CELF4: variants seen among roughly 807,000 people sequenced by gnomAD.
The protein encoded by CELF4 is CUGBP Elav-like family member 4, also known as CUG-BP- and ETR-3-like factor 4.
Under a neutral mutation model 59.9 loss-of-function variants are expected in CELF4, and 18 were observed. The ratio of observed to expected loss-of-function variants is 0.30; its 90% CI spans 0.21 to 0.45. CELF4 has a LOEUF of 0.45. Among genes scored for constraint, CELF4 ranks in the 20% least tolerant of loss-of-function variants. The pLI is 1.00. For synonymous variants in CELF4, 261 were observed against 267.1 expected (o/e 0.98, Z 0.22); for missense variants, 456 against 689.0 (o/e 0.66, Z 3.79).
At chr18:37,462,687 A>C (rs1449144197) in intron 2 of CELF4, among the ~76,000 whole-genome samples, 16 of 152,118 alleles carry the variant, frequency 1.1e-4, no homozygotes, top group Admixed American at 1.0e-3. Context: ...CCATGAAGGG[A>C]AGTAAAAGGG....
chr18:37,278,757 T>C (rs1294312724), intron 3 of CELF4, among the ~76,000 whole-genome samples: 5 of 151,832 alleles, frequency 3.3e-5, no homozygotes, highest in Admixed American at 2.0e-4. Context: ...TCAAAGAGGG[T>C]GAGAGGAGAA....
chr18:37,512,993 G>A (rs1293372261), intron 1 of CELF4, among the ~76,000 whole-genome samples: 1 of 152,164 alleles, frequency 6.6e-6, no homozygotes, highest in African/African-American at 2.4e-5. Context: ...TGAGGAGTGT[G>A]GGGTCTCAGA....
intron 2 of CELF4, among the ~76,000 whole-genome samples, chr18:37,412,779 G>T (rs1017298730): frequency 6.6e-6 from 1 of 152,140 alleles, no homozygotes; most frequent in Non-Finnish European, 1.5e-5. Context: ...GATGAGAAAG[G>T]CCAATGAGAA....
chr18:37,438,012 A>C (rs1227564083), intron 2 of CELF4, among the ~76,000 whole-genome samples: 1 of 152,162 alleles, frequency 6.6e-6, no homozygotes, highest in Non-Finnish European at 1.5e-5. Context: ...TCTCCCTCCA[A>C]CATGAAAGGA....
chr18:37,264,572 G>A, intron 10 of CELF4, 102 bp downstream of exon 10: 1 of 924,746 alleles, frequency 1.1e-6, no homozygotes, highest in Non-Finnish European at 1.7e-6. Flanking sequence ...ACACAAACGT[G>A]GTCACCTTTC....
At chr18:37,540,392 A>G (rs2099976946) in intron 1 of CELF4, among the ~76,000 whole-genome samples, 1 of 152,030 alleles carries the variant, frequency 6.6e-6, no homozygotes, top group Non-Finnish European at 1.5e-5. Flanking sequence ...AACAGGGAAA[A>G]CGGGCCAGCG....
At chr18:37,538,027 T>C (rs951562050) in intron 1 of CELF4, among the ~76,000 whole-genome samples, 1 of 152,218 alleles carries the variant, frequency 6.6e-6, no homozygotes, top group African/African-American at 2.4e-5. Context: ...GCCGGCTCCT[T>C]GGTCCGGGTT....
At chr18:37,298,725 A>C (rs1177166390) in intron 3 of CELF4, among the ~76,000 whole-genome samples, 1 of 35,778 alleles carries the variant, frequency 2.8e-5, no homozygotes, top group African/African-American at 2.1e-4. Context: ...ACTCTATCTC[A>C]AAAAAAAAAA....
intron 2 of CELF4, among the ~76,000 whole-genome samples, chr18:37,375,348 A>T (rs2098955854): frequency 6.6e-6 from 1 of 152,118 alleles, no homozygotes; most frequent in Non-Finnish European, 1.5e-5. Flanking sequence ...CGCCGGCTGG[A>T]CGGCTCTCGG....
chr18:37,449,528 CG>C (rs2099757276), intron 2 of CELF4, among the ~76,000 whole-genome samples: 1 of 152,056 alleles, frequency 6.6e-6, no homozygotes, highest in Non-Finnish European at 1.5e-5. Flanking sequence ...GTTCCAGATC[CG>C]GGGATACAGC....
At chr18:37,504,317 C>T (rs952156881) in intron 1 of CELF4, among the ~76,000 whole-genome samples, 2 of 151,986 alleles carry the variant, frequency 1.3e-5, no homozygotes, top group Non-Finnish European at 2.9e-5. Context: ...ATGGTGAAAC[C>T]CCGTCTCTAC....
At chr18:37,496,285 G>A (rs898442070) in intron 1 of CELF4, among the ~76,000 whole-genome samples, 3 of 152,198 alleles carry the variant, frequency 2.0e-5, no homozygotes, top group Non-Finnish European at 2.9e-5. Context: ...ACAGCGCCCA[G>A]GGCTGGACCT....
At chr18:37,434,490 G>T (rs2099682685) in intron 2 of CELF4, among the ~76,000 whole-genome samples, 1 of 152,190 alleles carries the variant, frequency 6.6e-6, no homozygotes, top group Admixed American at 6.5e-5. Flanking sequence ...TAAAACAGGG[G>T]GCTGTGCCAT....
At chr18:37,537,573 G>A (rs540037796) in intron 1 of CELF4, among the ~76,000 whole-genome samples, 16 of 152,262 alleles carry the variant, frequency 1.1e-4, no homozygotes, top group Admixed American at 1.0e-3. Context: ...GGTCTTCGGG[G>A]ACCATTTCAG....
At position 37,266,524 on chromosome 18, in the gene CELF4, G is replaced by C. The variant is rs1415832682; in HGVS notation, c.1165+9C>G. 5 of 1,588,612 alleles carry C rather than the reference G, an allele frequency of 3.1e-6. No homozygotes were observed. Among genetic ancestry groups the C allele is most frequent in the African/African-American group, 1.3e-5 (1 of 74,748 alleles). On this transcript the variant is annotated intron_variant, in intron 9 of 12. Transcript: ENST00000420428. Reference sequence around the variant, plus strand: ...GGGGAAGGAGCCGTGGGGACGCGTGGATACTAACGACCTGCATACTGCTGC... The same window carrying C: ...GGGGAAGGAGCCGTGGGGACGCGTGCATACTAACGACCTGCATACTGCTGC...
chr18:37,301,066 A>T (rs921960365), intron 3 of CELF4, among the ~76,000 whole-genome samples: 3 of 152,220 alleles, frequency 2.0e-5, no homozygotes, highest in African/African-American at 7.2e-5. Context: ...GGCAGGAGAC[A>T]CAGGAGGAGG....
rs142411265 is a variant in CELF4 at position 37,270,841 on chromosome 18, G to A, written c.1026C>T (p.Thr342=). The part of the protein sequence containing the change: ...IPSPIGVNGF[T]GLPPQANGQP... ...GCCCATTGGCCTGTGGGGGGAGGCCGGTGAAGCCATTCACCCCAATGGGGG... is the reference window on the plus strand; with the variant it reads ...GCCCATTGGCCTGTGGGGGGAGGCCAGTGAAGCCATTCACCCCAATGGGGG... Residue 342 remains threonine (T), a synonymous_variant, in exon 8 of 13, where the codon ACC becomes ACT. Transcript: ENST00000420428. The A allele has an allele frequency of 1.6e-4, 252 of 1,613,722 alleles. No homozygotes were observed. The highest frequency in any genetic ancestry group is 3.7e-4 in the Admixed American group (22 of 59,992).
At chr18:37,476,989 G>T (rs567435201) in intron 2 of CELF4, among the ~76,000 whole-genome samples, 57 of 152,328 alleles carry the variant, frequency 3.7e-4, no homozygotes, top group African/African-American at 1.4e-3. Context: ...ATGCACCCCC[G>T]CAGGGTGAGC....
chr18:37,245,721 G>A lies in CELF4; in HGVS notation c.*45-524C>T, dbSNP rs1440666649. ...GCTTCCAGCCAACCACTTCTTTCCCGGGGTCAGTAACTATTTGCGAGGCTG... is the reference window on the plus strand; with the variant it reads ...GCTTCCAGCCAACCACTTCTTTCCCAGGGTCAGTAACTATTTGCGAGGCTG... On this transcript the variant is annotated intron_variant, in intron 12 of 12. Transcript: ENST00000420428. The surrounding 1 kb of genome is among the most constrained non-coding windows in gnomAD (Gnocchi z 4.1). Among the ~76,000 whole-genome samples, 3 of 152,092 alleles carry A rather than the reference G, an allele frequency of 2.0e-5. No individual in the cohort carries two copies. Among genetic ancestry groups the A allele is most frequent in the Admixed American group, 6.5e-5 (1 of 15,272 alleles).
Sources: gnomAD v4.1 joint callset for allele counts (sites outside exome capture counted in the v4.1 genomes callset) on GRCh38, gnomAD v4.1.1 for gene constraint, Gnocchi (gnomAD v3.1) non-coding constraint, MANE v1.5 for transcripts, NCBI Gene and HGNC (gene_info 2026-07-23, HGNC 2026-07-21) for gene names.